TLE1: variants seen among roughly 807,000 people sequenced by gnomAD.
TLE1 encodes TLE family member 1, transcriptional corepressor.
TLE1 carries 21 observed loss-of-function variants against 89.8 expected under a neutral mutation model. The ratio of observed to expected loss-of-function variants is 0.23; its 90% CI spans 0.17 to 0.34. TLE1 has a LOEUF of 0.34. TLE1 is among the 10% of genes least tolerant of loss of function. The probability of loss-of-function intolerance (pLI) is 1.00; values close to 1 mark genes in which losing one functional copy is unlikely to be tolerated. For synonymous variants in TLE1, 447 were observed against 407.6 expected (o/e 1.10, Z -1.16); for missense variants, 795 against 1,031.2 (o/e 0.77, Z 3.14).
rs144908120 is a variant in TLE1, at chr9:81,588,948, C to T, written c.1830-1120G>A. Reference sequence around the variant, plus strand: ...AAGAGTGCAAGGGAAGGAAAAAGCACCACTACTGCCCTAAATTCTAAGCCA... The same window carrying T: ...AAGAGTGCAAGGGAAGGAAAAAGCATCACTACTGCCCTAAATTCTAAGCCA... On this transcript the variant is annotated intron_variant, in intron 16 of 19. Coordinates refer to ENST00000376499, the MANE Select transcript of TLE1 (RefSeq NM_005077.5). 2.2e-3 allele frequency among the ~76,000 whole-genome samples: 338 copies of T among 152,292 alleles called. 1 individual carries two copies. Among genetic ancestry groups the T allele is most frequent in the South Asian group, 5.6e-3 (27 of 4,822 alleles).
At chr9:81,675,873 G>A (rs557980039) in intron 4 of TLE1, among the ~76,000 whole-genome samples, 48 of 151,840 alleles carry the variant, frequency 3.2e-4, no homozygotes, top group Non-Finnish European at 5.4e-4. Flanking sequence ...GCTAATTTTC[G>A]TATTTTCAGC....
intron 5 of TLE1, 32 bp downstream of exon 5, chr9:81,653,942 T>A (rs756317508): frequency 1.2e-6 from 2 of 1,602,616 alleles, no homozygotes; most frequent in Admixed American, 1.7e-5. Flanking sequence ...AGCAACATAA[T>A]TGCACTTTAA....
chr9:81,632,907 A>G (rs1425902976), intron 8 of TLE1, among the ~76,000 whole-genome samples: 2 of 152,358 alleles, frequency 1.3e-5, no homozygotes, highest in East Asian at 3.9e-4. Context: ...TAGAAATGGT[A>G]CATTACTAAC....
chr9:81,685,640 T>C, intron 4 of TLE1, 36 bp downstream of exon 4: 1 of 1,599,390 alleles, frequency 6.3e-7, no homozygotes, highest in South Asian at 1.1e-5. Flanking sequence ...TATGAACTGA[T>C]GTCTCATTTC....
intron 16 of TLE1, among the ~76,000 whole-genome samples, chr9:81,589,260 C>T (rs1829089148): frequency 6.6e-6 from 1 of 152,178 alleles, no homozygotes; most frequent in East Asian, 1.9e-4. Flanking sequence ...TGACTGAAAA[C>T]ACCTTCCTCT....
chr9:81,667,867 C>G (rs1478634389), intron 4 of TLE1, among the ~76,000 whole-genome samples: 1 of 152,084 alleles, frequency 6.6e-6, no homozygotes, highest in African/African-American at 2.4e-5. Flanking sequence ...TCAAAGTAGC[C>G]AGAAGGATAC....
rs1435004628 is a variant in TLE1 at position 81,688,977 on chromosome 9, T to A, written c.-737A>T. 6.6e-6 allele frequency: 1 copy of A among 152,064 alleles called. No homozygotes were observed. The highest frequency in any genetic ancestry group is 1.5e-5 in the Non-Finnish European group (1 of 68,082). 9.4% of individuals were successfully genotyped at this position (152,064 alleles called of 1,614,324 possible). A position where few individuals can be genotyped will look rare whatever the true frequency, so the allele number is the denominator to read the frequency against. ...GACCAGCACTCGGTGTTCTCCGCGG[T>A]TGCACAAACCCTCCGGGCCCGACGG... On this transcript the variant is annotated 5_prime_UTR_variant, in exon 1 of 20. Coordinates refer to ENST00000376499, the MANE Select transcript of TLE1 (RefSeq NM_005077.5).
chr9:81,643,953 A>G (rs918953539), intron 6 of TLE1, among the ~76,000 whole-genome samples: 4 of 152,192 alleles, frequency 2.6e-5, no homozygotes, highest in African/African-American at 4.8e-5. Context: ...AGCCATGTGA[A>G]GGTGGATCCA....
intron 14 of TLE1, among the ~76,000 whole-genome samples, chr9:81,603,499 A>C (rs1831220513): frequency 6.6e-6 from 1 of 152,180 alleles, no homozygotes; most frequent in Non-Finnish European, 1.5e-5. Context: ...CCCTCCCTGT[A>C]CCAGAAACAG....
intron 6 of TLE1, among the ~76,000 whole-genome samples, chr9:81,647,188 CG>C (rs1828959450): frequency 6.6e-6 from 1 of 152,152 alleles, no homozygotes; most frequent in African/African-American, 2.4e-5. Flanking sequence ...ATTTTGTGGA[CG>C]GGAGGACAGT....
intron 4 of TLE1, among the ~76,000 whole-genome samples, chr9:81,683,683 T>C (rs1470628039): frequency 6.6e-6 from 1 of 152,150 alleles, no homozygotes; most frequent in Admixed American, 6.5e-5. Flanking sequence ...CAATATCAAC[T>C]AAATTTCAGG....
intron 8 of TLE1, among the ~76,000 whole-genome samples, chr9:81,623,946 C>G (rs1309650529): frequency 3.9e-5 from 6 of 152,092 alleles, no homozygotes; most frequent in Admixed American, 3.9e-4. Context: ...ATCTGGAGGA[C>G]TAGGATGTCC....
chr9:81,584,353 T>A, intron 19 of TLE1, 48 bp from the exon 20 acceptor site: 1 of 1,608,874 alleles, frequency 6.2e-7, no homozygotes, highest in Non-Finnish European at 8.5e-7. Flanking sequence ...ACAACGGTAC[T>A]CAGAGGCCCT....
At chr9:81,667,873 G>A (rs997272791) in intron 4 of TLE1, among the ~76,000 whole-genome samples, 12 of 152,122 alleles carry the variant, frequency 7.9e-5, no homozygotes, top group East Asian at 7.7e-4. Flanking sequence ...TAGCCAGAAG[G>A]ATACTCAGAC....
At chr9:81,625,571 C>T (rs1825794722) in intron 8 of TLE1, among the ~76,000 whole-genome samples, 1 of 129,682 alleles carries the variant, frequency 7.7e-6, no homozygotes, top group Non-Finnish European at 1.6e-5. Context: ...CAAAACTAAA[C>T]ATTCCAACAC....
At chr9:81,626,293 T>C (rs1825897899) in intron 8 of TLE1, among the ~76,000 whole-genome samples, 1 of 151,482 alleles carries the variant, frequency 6.6e-6, no homozygotes, top group Admixed American at 6.6e-5. Context: ...ACTAGCACAC[T>C]CCACACTGAC....
Position 81,584,472 on chromosome 9 carries a change from G to C in TLE1, c.2181C>G (p.Thr727=), listed in dbSNP as rs1271167120. 2 of 1,614,070 alleles carry C rather than the reference G, an allele frequency of 1.2e-6. No homozygotes were observed. The highest frequency in any genetic ancestry group is 1.7e-6 in the Non-Finnish European group (2 of 1,180,018). ...CCTGGAATATGCTGGCTCCATAGGG[G>C]GTCCGCCAAGCATTGAGGAGGTTAT... is the stretch of plus-strand genomic sequence containing the variant. ...GKDNLLNAWR[T]PYGASIFQSK... Residue 727 remains threonine, a synonymous_variant, in exon 19 of 20, where the codon ACC becomes ACG. Transcript: ENST00000376499.
At chr9:81,603,347 A>G (rs1266472437) in intron 14 of TLE1, among the ~76,000 whole-genome samples, 1 of 152,122 alleles carries the variant, frequency 6.6e-6, no homozygotes, top group Non-Finnish European at 1.5e-5. Context: ...CCTGTTCAGG[A>G]TATGCCACAC....
intron 16 of TLE1, 62 bp downstream of exon 16, chr9:81,590,743 A>G: frequency 6.3e-7 from 1 of 1,576,828 alleles, no homozygotes; most frequent in Non-Finnish European, 8.6e-7. Context: ...AGAGAGAAGC[A>G]GAGGTGATAG....
Sources: gnomAD v4.1 joint callset for allele counts (sites outside exome capture counted in the v4.1 genomes callset) on GRCh38, gnomAD v4.1.1 for gene constraint, MANE v1.5 for transcripts, NCBI Gene and HGNC (gene_info 2026-07-23, HGNC 2026-07-21) for gene names.